The following DOCK11 variants were observed in gnomAD, a reference collection of about 807,000 sequenced individuals.
DOCK11 encodes the protein dedicator of cytokinesis 11.
In DOCK11, 70 loss-of-function variants were observed where a neutral mutation model predicts 169.1. That is an observed-to-expected ratio of 0.41 (90% confidence interval 0.34 to 0.51). The LOEUF is 0.51. Ranked by LOEUF, DOCK11 falls within the 20% of genes least tolerant of loss-of-function variation. The probability of loss-of-function intolerance (pLI) is 0.10; values close to 1 mark genes in which losing one functional copy is unlikely to be tolerated. For synonymous variants in DOCK11, 529 were observed against 541.3 expected (o/e 0.98, Z 0.32); for missense variants, 1,166 against 1,538.8 (o/e 0.76, Z 4.05).
At chrX:118,503,966 T>C (rs2057593607) in intron 1 of DOCK11, among the ~76,000 whole-genome samples, 1 of 110,800 alleles carries the variant, frequency 9.0e-6, no homozygotes, top group Non-Finnish European at 1.9e-5. Flanking sequence ...GCAGTTGCCC[T>C]GAGGAGCAGG....
intron 42 of DOCK11, among the ~76,000 whole-genome samples, chrX:118,653,334 T>C (rs1273136220): frequency 2.7e-5 from 3 of 111,932 alleles, no homozygotes; most frequent in Non-Finnish European, 5.6e-5. Context: ...TCTATTAATG[T>C]ATAGAAAGGA....
At position 118,577,750 on chromosome X, in the gene DOCK11, G is replaced by A. The variant is rs1017324060; in HGVS notation, c.1390-775G>A. ...TGTGTCTGAAATGCATTGGAAACTG[G>A]AAATCACTATATTAACAAAGTTGGT... is the stretch of plus-strand genomic sequence containing the variant. On this transcript the variant is annotated intron_variant, in intron 12 of 52. Transcript: ENST00000276202. Among the ~76,000 whole-genome samples the A allele has an allele frequency of 4.7e-4, 53 of 111,602 alleles. 1 individual carries two copies. The highest frequency in any genetic ancestry group is 1.5e-3 in the African/African-American group (45 of 30,678).
At chrX:118,550,913 C>T (rs1472755031) in intron 6 of DOCK11, among the ~76,000 whole-genome samples, 1 of 111,442 alleles carries the variant, frequency 9.0e-6, no homozygotes, top group South Asian at 3.7e-4. Flanking sequence ...GTGAAGAATA[C>T]TAATGAAGCT....
At chrX:118,514,319 A>G (rs997797540) in intron 1 of DOCK11, among the ~76,000 whole-genome samples, 1 of 111,020 alleles carries the variant, frequency 9.0e-6, no homozygotes, top group Non-Finnish European at 1.9e-5. Flanking sequence ...TATTAGGAGT[A>G]TGAAAATGGA....
At chrX:118,627,657 A>G in intron 33 of DOCK11, 78 bp downstream of exon 33, 1 of 736,021 alleles carries the variant, frequency 1.4e-6, no homozygotes, top group Non-Finnish European at 2.1e-6. Context: ...TTTTTGATAT[A>G]TTTCATAATA....
Position 118,628,144 on chromosome X carries a change from G to T in DOCK11, c.3665-19G>T. ...TTCCCCCTCTTGCCAACAAGGGCTT[G>T]ACTTTTTTTTTTCCCCAGCTTATGG... On this transcript the variant is annotated intron_variant, in intron 33 of 52. Coordinates refer to ENST00000276202, the MANE Select transcript of DOCK11 (RefSeq NM_144658.4). 9.0e-7 allele frequency: 1 copy of T among 1,105,982 alleles called. No homozygotes were observed. Among genetic ancestry groups the T allele is most frequent in the Non-Finnish European group, 1.2e-6 (1 of 810,204 alleles). The allele number at this position is 1,105,982 out of a possible 1,213,427, so 91.1% of individuals were successfully genotyped here.
At chrX:118,612,158 A>G (rs987795653) in intron 28 of DOCK11, among the ~76,000 whole-genome samples, 1 of 112,001 alleles carries the variant, frequency 8.9e-6, no homozygotes, top group Non-Finnish European at 1.9e-5. Context: ...TCATATTAAG[A>G]ACCTTGTGGG....
chrX:118,676,767 T>C (rs963898517), intron 48 of DOCK11, 30 bp downstream of exon 48: 1 of 1,149,246 alleles, frequency 8.7e-7, no homozygotes, highest in African/African-American at 1.8e-5. Flanking sequence ...TTGAAATCAT[T>C]ATTTGTTAGT....
intron 1 of DOCK11, among the ~76,000 whole-genome samples, chrX:118,528,205 T>C (rs2011422226): frequency 8.9e-6 from 1 of 112,213 alleles, no homozygotes; most frequent in Non-Finnish European, 1.9e-5. Flanking sequence ...GGGGCAGGCC[T>C]GAGAGCCCAG....
intron 46 of DOCK11, among the ~76,000 whole-genome samples, chrX:118,671,702 T>TGGAGTCTC (rs201904048): frequency 0.14 from 15,345 of 110,983 alleles, 831 homozygotes; most frequent in Middle Eastern, 0.21. Context: ...TTTTTTGAGA[T>TGGAGTCTC]GGAGTCTCGC....
At chrX:118,508,941 C>G (rs764978156) in intron 1 of DOCK11, among the ~76,000 whole-genome samples, 43 of 112,284 alleles carry the variant, frequency 3.8e-4, no homozygotes, top group South Asian at 1.1e-3. Flanking sequence ...CCCCTAGGCT[C>G]AGAGACATCA....
chrX:118,587,293 A>G (rs781197273), intron 16 of DOCK11, among the ~76,000 whole-genome samples: 1 of 112,389 alleles, frequency 8.9e-6, no homozygotes, highest in African/African-American at 3.2e-5. Flanking sequence ...CAATATGCAT[A>G]GAAGACTAAA....
At chrX:118,634,650 G>C (rs1256964045) in intron 35 of DOCK11, among the ~76,000 whole-genome samples, 4 of 112,836 alleles carry the variant, frequency 3.5e-5, no homozygotes, top group African/African-American at 1.3e-4. Flanking sequence ...TTCTGGGGGG[G>C]AACCCAAGCT....
At position 118,641,174 on chromosome X, in the gene DOCK11, A is replaced by G. The variant is rs1348988309; in HGVS notation, c.4145-16A>G. The G allele has an allele frequency of 8.7e-7, 1 of 1,142,880 alleles. No individual in the cohort carries two copies. The allele number at this position is 1,142,880 out of a possible 1,213,427, so 94.2% of individuals were successfully genotyped here. A position where few individuals can be genotyped will look rare whatever the true frequency, so the allele number is the denominator to read the frequency against. ...CTTCGTGTTGGGAAAAGTTTAATTT[A>G]CTTTTTTAATCCTAGGTTCTACAAC... On this transcript the variant is annotated splice_polypyrimidine_tract_variant and intron_variant, in intron 38 of 52. Transcript: ENST00000276202.
intron 1 of DOCK11, among the ~76,000 whole-genome samples, chrX:118,496,466 C>T (rs757353589): frequency 8.9e-6 from 1 of 112,833 alleles, no homozygotes; most frequent in Admixed American, 9.2e-5. Flanking sequence ...TCCCCTCCCG[C>T]GAGCACCTGA....
intron 1 of DOCK11, among the ~76,000 whole-genome samples, chrX:118,536,009 T>C (rs2011740124): frequency 1.8e-5 from 2 of 111,982 alleles, no homozygotes; most frequent in African/African-American, 6.5e-5. Context: ...TTGAACCTTA[T>C]GAAGAAATTT....
intron 29 of DOCK11, 30 bp from the exon 30 acceptor site, chrX:118,615,570 T>A: frequency 1.8e-6 from 2 of 1,090,313 alleles, no homozygotes; most frequent in South Asian, 1.9e-5. Flanking sequence ...CTACTAAATA[T>A]GAGCTAATGT....
At chrX:118,626,276 G>A (rs1260056764) in intron 32 of DOCK11, among the ~76,000 whole-genome samples, 1 of 108,288 alleles carries the variant, frequency 9.2e-6, no homozygotes, top group African/African-American at 3.4e-5. Context: ...TCACCATGTT[G>A]GCCAAGCTGG....
intron 1 of DOCK11, among the ~76,000 whole-genome samples, chrX:118,499,817 T>TA (rs1219269813): frequency 9.0e-6 from 1 of 111,179 alleles, no homozygotes; most frequent in Non-Finnish European, 1.9e-5. Flanking sequence ...CACCTAAACA[T>TA]AAAATAGTCT....
Sources: gnomAD v4.1 joint callset for allele counts (sites outside exome capture counted in the v4.1 genomes callset) on GRCh38, gnomAD v4.1.1 for gene constraint, MANE v1.5 for transcripts, NCBI Gene and HGNC (gene_info 2026-07-23, HGNC 2026-07-21) for gene names.